The following STXBP5L variants were observed in gnomAD, a reference collection of about 807,000 sequenced individuals.
The protein encoded by STXBP5L is syntaxin binding protein 5L.
A neutral mutation model predicts 144.5 loss-of-function variants in STXBP5L; 65 were observed. The observed-to-expected ratio is 0.45, with a 90% CI of 0.37 to 0.55. The LOEUF (loss-of-function observed/expected upper bound fraction) is 0.55, where lower values mean the gene tolerates loss of function less well. Among genes scored for constraint, STXBP5L ranks in the 20% least tolerant of loss-of-function variants. The pLI is 0.00. For synonymous variants in STXBP5L, 505 were observed against 469.6 expected (o/e 1.08, Z -0.97); for missense variants, 1,298 against 1,405.5 (o/e 0.92, Z 1.22).
At chr3:120,949,605 T>C (rs1407731811) in intron 2 of STXBP5L, among the ~76,000 whole-genome samples, 1 of 151,920 alleles carries the variant, frequency 6.6e-6, no homozygotes, top group East Asian at 1.9e-4. Flanking sequence ...AAGTGAGAGA[T>C]GAGGATCCAG....
At chr3:121,139,825 G>A (rs2045418477) in intron 7 of STXBP5L, among the ~76,000 whole-genome samples, 1 of 152,024 alleles carries the variant, frequency 6.6e-6, no homozygotes, top group South Asian at 2.1e-4. Flanking sequence ...TTCAAAGTAT[G>A]TTGGACAAAC....
intron 3 of STXBP5L, among the ~76,000 whole-genome samples, chr3:121,010,312 G>A (rs1220409110): frequency 6.6e-6 from 1 of 151,756 alleles, no homozygotes. Flanking sequence ...TTCTTCAAGA[G>A]GAATTGGTCT....
At chr3:121,091,250 T>A (rs1487583082) in intron 5 of STXBP5L, among the ~76,000 whole-genome samples, 2 of 147,234 alleles carry the variant, frequency 1.4e-5, no homozygotes, top group African/African-American at 5.2e-5. Flanking sequence ...CATGTGCATG[T>A]GTCTTTATAG....
chr3:121,218,930 G>T (rs1166691332), intron 10 of STXBP5L, among the ~76,000 whole-genome samples: 4 of 152,070 alleles, frequency 2.6e-5, no homozygotes, highest in African/African-American at 7.2e-5. Flanking sequence ...TCGTCAGTTT[G>T]ATGAAGACAC....
chr3:121,238,500 T>C (rs1246547870), intron 12 of STXBP5L, among the ~76,000 whole-genome samples: 1 of 152,146 alleles, frequency 6.6e-6, no homozygotes, highest in Non-Finnish European at 1.5e-5. Flanking sequence ...AATTTCAAGA[T>C]GAGGTTTGGA....
At chr3:121,089,156 C>T (rs1280706634) in intron 5 of STXBP5L, among the ~76,000 whole-genome samples, 1 of 120,780 alleles carries the variant, frequency 8.3e-6, no homozygotes, top group Non-Finnish European at 1.7e-5. Flanking sequence ...TATATAAATA[C>T]ACTTAGTATA....
At chr3:121,139,969 C>T (rs2045428242) in intron 7 of STXBP5L, among the ~76,000 whole-genome samples, 1 of 151,884 alleles carries the variant, frequency 6.6e-6, no homozygotes, top group Non-Finnish European at 1.5e-5. Flanking sequence ...AACCAAACAA[C>T]CCAGTTGAAA....
At chr3:121,141,015 A>G (rs890829364) in intron 7 of STXBP5L, among the ~76,000 whole-genome samples, 3 of 152,212 alleles carry the variant, frequency 2.0e-5, no homozygotes, top group Non-Finnish European at 2.9e-5. Context: ...ATACAATGTT[A>G]TCTGTCAATA....
At chr3:121,060,523 T>C (rs915219288) in intron 5 of STXBP5L, among the ~76,000 whole-genome samples, 1 of 152,156 alleles carries the variant, frequency 6.6e-6, no homozygotes, top group Non-Finnish European at 1.5e-5. Flanking sequence ...TTTTCTATTG[T>C]TTGGAATAGT....
At chr3:121,294,320 T>C (rs1432835633) in intron 19 of STXBP5L, among the ~76,000 whole-genome samples, 1 of 152,232 alleles carries the variant, frequency 6.6e-6, no homozygotes, top group East Asian at 1.9e-4. Context: ...GAATCAAAGA[T>C]TATTCCCAGA....
intron 2 of STXBP5L, among the ~76,000 whole-genome samples, chr3:120,916,382 C>T (rs1231795409): frequency 6.6e-6 from 1 of 152,080 alleles, no homozygotes; most frequent in Non-Finnish European, 1.5e-5. Flanking sequence ...CTCACTGCAA[C>T]CTCCATCTCC....
At chr3:121,152,448 A>C in intron 7 of STXBP5L, 29 bp from the exon 8 acceptor site, 1 of 1,490,098 alleles carries the variant, frequency 6.7e-7, no homozygotes, top group Non-Finnish European at 9.2e-7. Context: ...TGTTAGAATT[A>C]AGAAAATGAT....
chr3:121,369,022 C>G (rs1054147496), intron 20 of STXBP5L, among the ~76,000 whole-genome samples: 3 of 152,126 alleles, frequency 2.0e-5, no homozygotes, highest in African/African-American at 7.2e-5. Context: ...GATCAGGACA[C>G]AAATCCCTGA....
intron 18 of STXBP5L, among the ~76,000 whole-genome samples, chr3:121,278,408 C>T (rs919792343): frequency 4.6e-5 from 7 of 151,822 alleles, no homozygotes; most frequent in African/African-American, 1.7e-4. Context: ...ATTTTTAATT[C>T]CAAGACAAAA....
intron 3 of STXBP5L, among the ~76,000 whole-genome samples, chr3:120,982,495 C>A (rs568953769): frequency 3.9e-5 from 6 of 152,270 alleles, no homozygotes; most frequent in South Asian, 2.1e-4. Flanking sequence ...CCCTGTTATA[C>A]CCCTGTCCCA....
At chr3:121,235,310 C>A (rs1375300411) in intron 12 of STXBP5L, among the ~76,000 whole-genome samples, 1 of 151,970 alleles carries the variant, frequency 6.6e-6, no homozygotes, top group Non-Finnish European at 1.5e-5. Context: ...GAATCTCTTT[C>A]AATTTTTTTC....
chr3:121,306,363 C>G (rs2043337820), intron 19 of STXBP5L, among the ~76,000 whole-genome samples: 1 of 152,144 alleles, frequency 6.6e-6, no homozygotes, highest in Non-Finnish European at 1.5e-5. Context: ...TCCCCAATGA[C>G]AGGACAGAAG....
intron 5 of STXBP5L, among the ~76,000 whole-genome samples, chr3:121,096,701 GT>G (rs2043149035): frequency 6.6e-6 from 1 of 152,194 alleles, no homozygotes; most frequent in South Asian, 2.1e-4. Context: ...AAAAAAGCCT[GT>G]TTTTTCCTCT....
chr3:121,132,776 G>C (rs2045054232), intron 7 of STXBP5L, among the ~76,000 whole-genome samples: 1 of 151,858 alleles, frequency 6.6e-6, no homozygotes, highest in South Asian at 2.1e-4. Context: ...GAATTTTCAG[G>C]AAAGAGAAAA....
Sources: allele counts gnomAD v4.1 joint callset (sites outside exome capture counted in the v4.1 genomes callset), GRCh38; gene constraint gnomAD v4.1.1; transcripts MANE v1.5; gene names NCBI Gene and HGNC (gene_info 2026-07-23, HGNC 2026-07-21).